The following RPS27L variants were observed in gnomAD, a reference collection of about 807,000 sequenced individuals.
RPS27L encodes ribosomal protein eS27-like.
RPS27L carries 10 observed loss-of-function variants against 12.8 expected under a neutral mutation model. The ratio of observed to expected loss-of-function variants is 0.78; its 90% CI spans 0.48 to 1.33. RPS27L has a LOEUF of 1.33. Ranked by LOEUF, RPS27L falls within the 40% of genes most tolerant of loss-of-function variation. The pLI, the probability that RPS27L is intolerant of heterozygous loss-of-function variation, is 0.00. For missense variants in RPS27L, 81 were observed against 97.4 expected (o/e 0.83, Z 0.71); for synonymous variants, 26 against 32.3 (o/e 0.81, Z 0.66).
chr15:63,156,375 A>G (rs755085718), intron 2 of RPS27L, 38 bp downstream of exon 2: 6 of 1,159,830 alleles, frequency 5.2e-6, no homozygotes, highest in African/African-American at 4.6e-5. Flanking sequence ...CCCTACAGAA[A>G]TTTTCTTTAG....
chr15:63,156,796 A>G (rs2037335432), intron 1 of RPS27L: 1 of 572,624 alleles, frequency 1.7e-6, no homozygotes, highest in African/African-American at 1.9e-5. Flanking sequence ...CTGCGTAATG[A>G]ACTGTCTTCG....
At chr15:63,156,947 G>A (rs946290388) in intron 1 of RPS27L, 5 of 363,674 alleles carry the variant, frequency 1.4e-5, no homozygotes, top group African/African-American at 1.1e-4. Context: ...CAGCTGATCT[G>A]ACAGGAATTC....
At chr15:63,156,306 C>T (rs2037331804) in intron 2 of RPS27L, 107 bp downstream of exon 2, 6 of 593,190 alleles carry the variant, frequency 1.0e-5, no homozygotes, top group East Asian at 2.9e-5. Flanking sequence ...TTCTGTAATC[C>T]CACTTCTACT....
chr15:63,153,449 G>C lies in RPS27L; in HGVS notation c.*583C>G, dbSNP rs527567761. 1.3e-5 allele frequency: 2 copies of C among 152,272 alleles called. No individual in the cohort carries two copies. Among genetic ancestry groups the C allele is most frequent in the East Asian group, 3.9e-4 (2 of 5,184 alleles). 9.4% of individuals were successfully genotyped at this position (152,272 alleles called of 1,614,324 possible). On this transcript the variant is annotated 3_prime_UTR_variant, in exon 4 of 4. Coordinates refer to ENST00000330964, the MANE Select transcript of RPS27L (RefSeq NM_015920.4). Reference sequence around the variant, plus strand: ...AGATGTTTCCACAGGTACAACAGCAGAACTACATTTAGAATTCACAAATAA... The same window carrying C: ...AGATGTTTCCACAGGTACAACAGCACAACTACATTTAGAATTCACAAATAA...
chr15:63,157,032 G>C, intron 1 of RPS27L: 1 of 368,458 alleles, frequency 2.7e-6, no homozygotes. Context: ...AGGAAAACAA[G>C]TAGGAAATCG....
In RPS27L at chr15:63,152,432, A is replaced by C. The variant is rs2037305734; in HGVS notation, c.*1600T>G. 6.6e-6 allele frequency: 1 copy of C among 151,800 alleles called. No individual in the cohort carries two copies. The highest frequency in any genetic ancestry group is 1.5e-5 in the Non-Finnish European group (1 of 67,976). 9.4% of individuals were successfully genotyped at this position (151,800 alleles called of 1,614,324 possible). A position where few individuals can be genotyped will look rare whatever the true frequency, so the allele number is the denominator to read the frequency against. On this transcript the variant is annotated 3_prime_UTR_variant, in exon 4 of 4. Transcript: ENST00000330964. ...AAATTACTGAGATTCTAATGATGTC[A>C]GAAACTAAAAGTCTGAGAATCTCTG...
rs755957336 is a variant in RPS27L at position 63,155,674 on chromosome 15, C to G, written c.173G>C (p.Gly58Ala). 12 of 1,579,416 alleles carry G rather than the reference C, an allele frequency of 7.6e-6. No homozygotes were observed. Among genetic ancestry groups the G allele is most frequent in the Non-Finnish European group, 8.6e-6 (10 of 1,162,842 alleles). Residue 58 changes from glycine (G) to alanine (A), a missense_variant, in exon 3 of 4, where the codon GGT becomes GCT. Physicochemically the swap from Gly to Ala is moderately conservative, Grantham distance 60. Transcript: ENST00000330964. ...SHAQTVVLCV[G>A]CSTVLCQPTG... ...AGGCTGGCACAACACTGTTGAACAACCTACACAAAGAACCACTGTCTGAGC... is the reference window on the plus strand; with the variant it reads ...AGGCTGGCACAACACTGTTGAACAAGCTACACAAAGAACCACTGTCTGAGC...
At chr15:63,157,134 C>G (rs1022543410) in intron 1 of RPS27L, 1 of 554,078 alleles carries the variant, frequency 1.8e-6, no homozygotes, top group African/African-American at 1.9e-5. Flanking sequence ...TCCTCAAAGA[C>G]CAAGACCGCT....
rs1359404476 is a variant in RPS27L, at chr15:63,157,476, G to A, written c.-71C>T. Reference sequence around the variant, plus strand: ...ACAGCTAGCAAGCTGCAAGCGATCTGCGCTCGGCATCAACTTCCGGGATAG... The same window carrying A: ...ACAGCTAGCAAGCTGCAAGCGATCTACGCTCGGCATCAACTTCCGGGATAG... On this transcript the variant is annotated 5_prime_UTR_variant, in exon 1 of 4. Transcript: ENST00000330964. 2 of 1,582,534 alleles carry A rather than the reference G, an allele frequency of 1.3e-6. No individual in the cohort carries two copies. The highest frequency in any genetic ancestry group is 1.1e-5 in the South Asian group (1 of 90,460).
intron 2 of RPS27L, 95 bp from the exon 3 acceptor site, chr15:63,155,826 C>G (rs1448558214): frequency 8.8e-6 from 6 of 678,126 alleles, no homozygotes; most frequent in Non-Finnish European, 1.1e-5. Flanking sequence ...TCAGTAACTT[C>G]AGTGCTATGA....
chr15:63,153,608 C>A lies in RPS27L; in HGVS notation c.*424G>T. 1 of 157,090 alleles carries A rather than the reference C, an allele frequency of 6.4e-6. No individual in the cohort carries two copies. 9.7% of individuals were successfully genotyped at this position (157,090 alleles called of 1,614,324 possible). ...GGCATGGTGGTGTGTGCCTATAATC[C>A]CAGCTACTTGGGAGGACAAGGCAAG... On this transcript the variant is annotated 3_prime_UTR_variant, in exon 4 of 4. Transcript: ENST00000330964.
In RPS27L at chr15:63,157,392, C is replaced by A. The variant is rs762031618; in HGVS notation, c.6+8G>T. 2.6e-5 allele frequency: 42 copies of A among 1,614,140 alleles called. No individual in the cohort carries two copies. The highest frequency in any genetic ancestry group is 1.6e-4 in the Middle Eastern group (1 of 6,062). On this transcript the variant is annotated splice_region_variant and intron_variant, in intron 1 of 3. Coordinates refer to ENST00000330964, the MANE Select transcript of RPS27L (RefSeq NM_015920.4). ...AAACAAACCCGGAGCCCGATGTAAA[C>A]AACTCACAGGCATGTTGATCCTCTT...
chr15:63,157,301 G>A, intron 1 of RPS27L, 99 bp downstream of exon 1: 1 of 1,351,260 alleles, frequency 7.4e-7, no homozygotes, highest in Non-Finnish European at 1.1e-6. Flanking sequence ...CGCCACTCTC[G>A]GACACTACAG....
chr15:63,151,845 ACTG>A lies in RPS27L; in HGVS notation c.*2184_*2186del, dbSNP rs1423624882. 1 of 152,228 alleles carries A rather than the reference ACTG, an allele frequency of 6.6e-6. No individual in the cohort carries two copies. Among genetic ancestry groups the A allele is most frequent in the Non-Finnish European group, 1.5e-5 (1 of 68,040 alleles). The allele number at this position is 152,228 out of a possible 1,614,324, so 9.4% of individuals were successfully genotyped here. On this transcript the variant is annotated 3_prime_UTR_variant, in exon 4 of 4. Transcript: ENST00000330964. ...TCCTTGTGAAGCTGGGTTTGGAGCC[ACTG>A]CTATGACAAAAAGCACCATGCAAAA...
chr15:63,156,734 T>G lies in RPS27L; in HGVS notation c.7-213A>C. ...TCTCCAAGTCCCTAGAAAAGGGCTT[T>G]CGCACGATCAGGAAACATATGGTAA... On this transcript the variant is annotated intron_variant, in intron 1 of 3. Transcript: ENST00000330964. 8.2e-6 allele frequency: 5 copies of G among 610,706 alleles called. No individual in the cohort carries two copies. The South Asian group carries it at 1.0e-4, about 12-fold the overall frequency. 37.8% of individuals were successfully genotyped at this position (610,706 alleles called of 1,614,324 possible).
At chr15:63,156,623 C>A in intron 1 of RPS27L, 102 bp from the exon 2 acceptor site, 1 of 753,174 alleles carries the variant, frequency 1.3e-6, no homozygotes. Flanking sequence ...AACGGTCATC[C>A]TCGGCAGAAG....
chr15:63,155,470 C>T, intron 3 of RPS27L, 151 bp downstream of exon 3: 1 of 508,138 alleles, frequency 2.0e-6, no homozygotes, highest in Non-Finnish European at 3.6e-6. Context: ...ATAAATATAT[C>T]CATTTGAACA....
At chr15:63,154,301 T>G (rs774966935) in intron 3 of RPS27L, 4 of 440,992 alleles carry the variant, frequency 9.1e-6, no homozygotes, top group African/African-American at 2.0e-5. Context: ...TGAAGTCTAC[T>G]TAAGACCATG....
In RPS27L at chr15:63,152,102, C is replaced by G. The variant is rs2037303281; in HGVS notation, c.*1930G>C. ...GGAGTTCCTTACAGCCTGGGCAACA[C>G]AGCCAGAGCCCCATCTCTACAAAAA... On this transcript the variant is annotated 3_prime_UTR_variant, in exon 4 of 4. Transcript: ENST00000330964. 1 of 152,340 alleles carries G rather than the reference C, an allele frequency of 6.6e-6. No homozygotes were observed. The highest frequency in any genetic ancestry group is 2.1e-4 in the South Asian group (1 of 4,836). 9.4% of individuals were successfully genotyped at this position (152,340 alleles called of 1,614,324 possible).
Sources: allele counts gnomAD v4.1 joint callset, GRCh38; gene constraint gnomAD v4.1.1; transcripts MANE v1.5; gene names NCBI Gene and HGNC (gene_info 2026-07-23, HGNC 2026-07-21).